Variants in SFMBT2 observed in about 807,000 individuals in gnomAD.
SFMBT2 encodes the protein scm-like with four MBT domains protein 2.
SFMBT2 carries 38 observed loss-of-function variants against 110.1 expected under a neutral mutation model. That is an observed-to-expected ratio of 0.35 (90% confidence interval 0.27 to 0.45). The LOEUF (loss-of-function observed/expected upper bound fraction) is 0.45. Ranked by LOEUF, SFMBT2 falls within the 20% of genes least tolerant of loss-of-function variation. The probability of loss-of-function intolerance (pLI) is 1.00; values close to 1 mark genes in which losing one functional copy is unlikely to be tolerated. For missense variants in SFMBT2, 1,011 were observed against 1,094.9 expected (o/e 0.92, Z 1.08); for synonymous variants, 425 against 425.4 (o/e 1.00, Z 0.01).
At chr10:7,315,113 A>AAGAAAAC in intron 4 of SFMBT2, among the ~76,000 whole-genome samples, 1 of 126,642 alleles carries the variant, frequency 7.9e-6, no homozygotes, top group East Asian at 2.0e-4. Flanking sequence ...AGAAAGAAAA[A>AAGAAAAC]GCAAGCAAGC....
intron 4 of SFMBT2, among the ~76,000 whole-genome samples, chr10:7,304,008 A>G (rs1202409864): frequency 6.6e-6 from 1 of 152,220 alleles, no homozygotes; most frequent in African/African-American, 2.4e-5. Flanking sequence ...GGAGCCCACG[A>G]TAAATGAAGT....
chr10:7,317,510 G>A (rs1410956459), intron 4 of SFMBT2, among the ~76,000 whole-genome samples: 4 of 151,944 alleles, frequency 2.6e-5, no homozygotes, highest in South Asian at 2.1e-4. Context: ...GCGTGGTGGC[G>A]CATGCCTGTA....
chr10:7,295,974 A>G (rs1273630107), intron 4 of SFMBT2, among the ~76,000 whole-genome samples: 1 of 152,236 alleles, frequency 6.6e-6, no homozygotes, highest in African/African-American at 2.4e-5. Flanking sequence ...AACAACCAGG[A>G]TTTGCTAAAG....
intron 20 of SFMBT2, chr10:7,164,302 C>T: frequency 1.5e-6 from 1 of 662,190 alleles, no homozygotes; most frequent in Non-Finnish European, 1.9e-6. Flanking sequence ...GGGAGGATCA[C>T]CTGAACCCAG....
intron 14 of SFMBT2, among the ~76,000 whole-genome samples, 182 bp from the exon 15 acceptor site, chr10:7,197,869 T>C (rs1838828346): frequency 6.6e-6 from 1 of 152,174 alleles, no homozygotes; most frequent in African/African-American, 2.4e-5. Context: ...ACAATAACCG[T>C]GACAGCCAGT....
rs1844946163 is a variant in SFMBT2, at chr10:7,367,548, CA to C, written c.436+100del. On this transcript the variant is annotated intron_variant, in intron 4 of 20. Coordinates refer to ENST00000397167, the MANE Select transcript of SFMBT2 (RefSeq NM_001387889.1). The surrounding 1 kb of genome is among the most constrained non-coding windows in gnomAD (Gnocchi z 6.2). ...AACTGTGAGACCTTTGCACTAAGAC[CA>C]TTAGGGATTCTACGCAAGGTTCTCT... The C allele has an allele frequency of 6.6e-7, 1 of 1,510,016 alleles. No individual in the cohort carries two copies. Among genetic ancestry groups the C allele is most frequent in the African/African-American group, 1.4e-5 (1 of 72,380 alleles). The allele number at this position is 1,510,016 out of a possible 1,614,324, so 93.5% of individuals were successfully genotyped here.
chr10:7,409,135 C>T (rs923817364), intron 1 of SFMBT2, among the ~76,000 whole-genome samples: 2 of 151,782 alleles, frequency 1.3e-5, no homozygotes, highest in South Asian at 2.1e-4. Context: ...GCTTCGGTCC[C>T]GGTCCCCCAC....
chr10:7,224,350 C>T (rs544314748), intron 10 of SFMBT2, among the ~76,000 whole-genome samples: 18 of 152,276 alleles, frequency 1.2e-4, no homozygotes, highest in African/African-American at 3.9e-4. Context: ...ACCATAAAAA[C>T]ATAGACAGAA....
At chr10:7,306,741 G>GA (rs34999247) in intron 4 of SFMBT2, among the ~76,000 whole-genome samples, 9 of 150,404 alleles carry the variant, frequency 6.0e-5, no homozygotes, top group South Asian at 2.1e-4. Context: ...GAAAAGGGGG[G>GA]AAAAAAAAGA....
At chr10:7,317,046 A>C (rs190202339) in intron 4 of SFMBT2, among the ~76,000 whole-genome samples, 2 of 152,212 alleles carry the variant, frequency 1.3e-5, no homozygotes, top group Admixed American at 1.3e-4. Context: ...TTCCTTCTAA[A>C]ATTCTGGTCG....
intron 1 of SFMBT2, among the ~76,000 whole-genome samples, chr10:7,392,982 A>AC (rs1845810908): frequency 2.2e-5 from 2 of 92,660 alleles, no homozygotes; most frequent in Non-Finnish European, 4.5e-5. Context: ...ATGTGGATAG[A>AC]TTATATATAT....
At chr10:7,381,205 C>T (rs994647139) in intron 2 of SFMBT2, among the ~76,000 whole-genome samples, 3 of 152,136 alleles carry the variant, frequency 2.0e-5, no homozygotes, top group East Asian at 1.9e-4. Flanking sequence ...ACCACCAATC[C>T]GCATGACCTC....
chr10:7,318,721 G>A (rs1185849508), intron 4 of SFMBT2, among the ~76,000 whole-genome samples: 2 of 152,246 alleles, frequency 1.3e-5, no homozygotes, highest in African/African-American at 4.8e-5. Context: ...TCGCGTCTCC[G>A]CGTCTTCTAT....
intron 7 of SFMBT2, among the ~76,000 whole-genome samples, chr10:7,272,448 C>T (rs984154120): frequency 2.6e-5 from 4 of 152,312 alleles, no homozygotes; most frequent in Admixed American, 2.0e-4. Context: ...AAACGAGTCC[C>T]ACCAGATATG....
At chr10:7,250,493 G>A (rs982071128) in intron 7 of SFMBT2, among the ~76,000 whole-genome samples, 4 of 152,184 alleles carry the variant, frequency 2.6e-5, no homozygotes, top group Admixed American at 1.3e-4. Context: ...GATCACTGAT[G>A]GGCACTTAGG....
chr10:7,336,957 A>C (rs529781425), intron 4 of SFMBT2, among the ~76,000 whole-genome samples: 50 of 152,366 alleles, frequency 3.3e-4, no homozygotes, highest in Middle Eastern at 3.4e-3. Context: ...ACGTACCATT[A>C]GACCCAACTA....
chr10:7,168,581 C>T (rs1020549995), intron 20 of SFMBT2, among the ~76,000 whole-genome samples: 1 of 152,234 alleles, frequency 6.6e-6, no homozygotes, highest in Non-Finnish European at 1.5e-5. Flanking sequence ...CGCAACCAAA[C>T]ATGCATGACC....
chr10:7,164,133 T>A (rs1239128423), intron 20 of SFMBT2: 1 of 984,980 alleles, frequency 1.0e-6, no homozygotes, highest in African/African-American at 1.7e-5. Flanking sequence ...ACGCCTATAA[T>A]TCCAGCACTT....
intron 4 of SFMBT2, among the ~76,000 whole-genome samples, chr10:7,366,447 AAGAT>A (rs1161327268): frequency 2.0e-5 from 3 of 151,906 alleles, no homozygotes; most frequent in Admixed American, 1.3e-4. Flanking sequence ...AAAAAAAAAA[AAGAT>A]AGAGCTCCGA....
Sources: gnomAD v4.1 joint callset for allele counts (sites outside exome capture counted in the v4.1 genomes callset) on GRCh38, gnomAD v4.1.1 for gene constraint, Gnocchi (gnomAD v3.1) non-coding constraint, MANE v1.5 for transcripts, NCBI Gene and HGNC (gene_info 2026-07-23, HGNC 2026-07-21) for gene names.